XRCC4: variants seen among roughly 807,000 people sequenced by gnomAD.
XRCC4 encodes the protein DNA repair protein XRCC4.
Under a neutral mutation model 39.1 loss-of-function variants are expected in XRCC4, and 28 were observed. The ratio of observed to expected loss-of-function variants is 0.72; its 90% confidence interval spans 0.53 to 0.98. The LOEUF (loss-of-function observed/expected upper bound fraction) is 0.98, where lower values mean the gene tolerates loss of function less well. Among genes scored for constraint, XRCC4 ranks in the 50% least tolerant of loss-of-function variants. The pLI is 0.00. For missense variants in XRCC4, 350 were observed against 376.4 expected (o/e 0.93, Z 0.58); for synonymous variants, 123 against 126.4 (o/e 0.97, Z 0.18).
chr5:83,198,927 G>A (rs976739151), intron 4 of XRCC4, among the ~76,000 whole-genome samples: 1 of 152,018 alleles, frequency 6.6e-6, no homozygotes, highest in African/African-American at 2.4e-5. Flanking sequence ...TATTTCATGG[G>A]TTTTCTACTT....
intron 3 of XRCC4, among the ~76,000 whole-genome samples, chr5:83,146,588 A>G (rs1381422351): frequency 1.3e-5 from 2 of 152,156 alleles, no homozygotes; most frequent in Non-Finnish European, 2.9e-5. Context: ...TGTGTGGTGA[A>G]ATTCTGTGAG....
chr5:83,220,141 C>T (rs1224299842), intron 6 of XRCC4, among the ~76,000 whole-genome samples: 1 of 152,012 alleles, frequency 6.6e-6, no homozygotes, highest in African/African-American at 2.4e-5. Flanking sequence ...TACTTTACTA[C>T]AATTAATCAA....
chr5:83,085,227 A>G (rs1745126979), intron 1 of XRCC4, among the ~76,000 whole-genome samples: 1 of 152,200 alleles, frequency 6.6e-6, no homozygotes, highest in Non-Finnish European at 1.5e-5. Context: ...GGCTGCTAAG[A>G]AATGAGATGC....
At chr5:83,143,549 C>T (rs1295720020) in intron 3 of XRCC4, among the ~76,000 whole-genome samples, 1 of 152,124 alleles carries the variant, frequency 6.6e-6, no homozygotes, top group Non-Finnish European at 1.5e-5. Context: ...TTCCTTCCTG[C>T]TGATCCATAT....
At chr5:83,082,018 C>T (rs1744964352) in intron 1 of XRCC4, among the ~76,000 whole-genome samples, 1 of 152,122 alleles carries the variant, frequency 6.6e-6, no homozygotes, top group South Asian at 2.1e-4. Flanking sequence ...TCTTGTATTC[C>T]AACAAATCTG....
At chr5:83,127,628 A>G (rs1747336747) in intron 3 of XRCC4, among the ~76,000 whole-genome samples, 1 of 152,034 alleles carries the variant, frequency 6.6e-6, no homozygotes, top group South Asian at 2.1e-4. Flanking sequence ...GACTAATACC[A>G]TCCCCAATTC....
intron 6 of XRCC4, among the ~76,000 whole-genome samples, chr5:83,244,164 AT>A (rs58858814): frequency 0.023 from 3,537 of 152,290 alleles, 126 homozygotes; most frequent in African/African-American, 0.081. Context: ...AACTCTCCTC[AT>A]TATGTACTTG....
intron 7 of XRCC4, among the ~76,000 whole-genome samples, chr5:83,313,356 A>T (rs28360306): frequency 6.6e-6 from 1 of 152,042 alleles, no homozygotes; most frequent in Non-Finnish European, 1.5e-5. Context: ...TAGACAACAC[A>T]TTTACATCTA....
At chr5:83,191,041 C>A (rs753699173) in intron 3 of XRCC4, among the ~76,000 whole-genome samples, 2 of 152,060 alleles carry the variant, frequency 1.3e-5, no homozygotes, top group African/African-American at 2.4e-5. Context: ...TTTTATCAAG[C>A]ACATAGTATG....
intron 7 of XRCC4, 22 bp downstream of exon 7, chr5:83,258,699 C>G: frequency 6.2e-7 from 1 of 1,602,654 alleles, no homozygotes; most frequent in African/African-American, 1.3e-5. Context: ...TATTCTTTGC[C>G]AAGAAGTGAG....
chr5:83,265,446 G>A (rs1272949354), intron 7 of XRCC4, among the ~76,000 whole-genome samples: 2 of 152,174 alleles, frequency 1.3e-5, no homozygotes, highest in African/African-American at 4.8e-5. Flanking sequence ...AACTGGTCAG[G>A]CTGCGGCTCT....
At chr5:83,159,285 GAATTTAT>G (rs1289147516) in intron 3 of XRCC4, among the ~76,000 whole-genome samples, 1 of 151,870 alleles carries the variant, frequency 6.6e-6, no homozygotes, top group Non-Finnish European at 1.5e-5. Context: ...TTTCTTTAGG[GAATTTAT>G]AATTTATTAA....
intron 7 of XRCC4, among the ~76,000 whole-genome samples, chr5:83,268,423 A>G (rs1754029164): frequency 6.6e-6 from 1 of 150,484 alleles, no homozygotes; most frequent in South Asian, 2.1e-4. Context: ...ATCTACTCAA[A>G]TATATATATT....
intron 6 of XRCC4, among the ~76,000 whole-genome samples, chr5:83,206,692 G>C (rs1453421945): frequency 6.6e-6 from 1 of 152,088 alleles, no homozygotes. Context: ...ATAAAAGAAA[G>C]AATATGTTTG....
intron 6 of XRCC4, among the ~76,000 whole-genome samples, chr5:83,241,688 T>C (rs990755688): frequency 6.6e-6 from 1 of 152,198 alleles, no homozygotes; most frequent in Admixed American, 6.5e-5. Flanking sequence ...AATTTTTGAC[T>C]TGTCCAAATC....
intron 3 of XRCC4, among the ~76,000 whole-genome samples, chr5:83,161,640 T>TC (rs1749217702): frequency 6.6e-6 from 1 of 152,210 alleles, no homozygotes; most frequent in Admixed American, 6.5e-5. Context: ...GTAACAGAAT[T>TC]AGTTGCTAAT....
intron 3 of XRCC4, among the ~76,000 whole-genome samples, chr5:83,127,414 G>A (rs1376384604): frequency 6.6e-6 from 1 of 152,012 alleles, no homozygotes; most frequent in African/African-American, 2.4e-5. Flanking sequence ...GAGATCTGAT[G>A]CTTTTATAAG....
chr5:83,295,237 C>A (rs1482089410), intron 7 of XRCC4, among the ~76,000 whole-genome samples: 1 of 151,956 alleles, frequency 6.6e-6, no homozygotes, highest in African/African-American at 2.4e-5. Flanking sequence ...CTGAACATCA[C>A]TACCAGTATG....
At chr5:83,161,786 AT>A (rs1177653243) in intron 3 of XRCC4, among the ~76,000 whole-genome samples, 1 of 152,176 alleles carries the variant, frequency 6.6e-6, no homozygotes, top group Non-Finnish European at 1.5e-5. Flanking sequence ...TTGAACCTGT[AT>A]TATGATTTCA....
Sources: allele counts gnomAD v4.1 joint callset (sites outside exome capture counted in the v4.1 genomes callset), GRCh38; gene constraint gnomAD v4.1.1; transcripts MANE v1.5; gene names NCBI Gene and HGNC (gene_info 2026-07-23, HGNC 2026-07-21).